Variants in CARMIL1 observed in about 807,000 individuals in gnomAD.
CARMIL1 encodes the protein F-actin-uncapping protein LRRC16A.
CARMIL1 carries 90 observed loss-of-function variants against 177.1 expected under a neutral mutation model. The observed-to-expected ratio is 0.51, with a 90% CI of 0.43 to 0.61. CARMIL1 has a LOEUF of 0.61. CARMIL1 is among the 20% of genes least tolerant of loss of function. CARMIL1 has a pLI of 0.00. For missense variants in CARMIL1, 1,380 were observed against 1,667.0 expected (o/e 0.83, Z 3.00); for synonymous variants, 577 against 606.2 (o/e 0.95, Z 0.71).
At chr6:25,429,938 C>A (rs572063499) in intron 4 of CARMIL1, among the ~76,000 whole-genome samples, 229 of 151,892 alleles carry the variant, frequency 1.5e-3, no homozygotes, top group African/African-American at 5.2e-3. Context: ...CTCTGCCTCC[C>A]GGGTTCAAAT....
rs190235480 is a variant in CARMIL1 at position 25,301,843 on chromosome 6, A to G, written c.138+16934A>G. ...TGACTTTCCCAAAATAAAGCTGCAT[A>G]GGGCGTACTTCAGAAAACTTCAGGC... On this transcript the variant is annotated intron_variant, in intron 2 of 36. Coordinates refer to ENST00000329474, the MANE Select transcript of CARMIL1 (RefSeq NM_017640.6). Among the ~76,000 whole-genome samples the G allele has an allele frequency of 6.4e-3, 973 of 152,376 alleles. 5 individuals carry two copies. Among genetic ancestry groups the G allele is most frequent in the Non-Finnish European group, 9.2e-3 (629 of 68,040 alleles).
chr6:25,551,158 T>C, intron 27 of CARMIL1, 73 bp downstream of exon 27: 6 of 1,213,700 alleles, frequency 4.9e-6, no homozygotes, highest in Non-Finnish European at 7.1e-6. Flanking sequence ...GTAAAGAGGG[T>C]TATTGTTGGC....
intron 15 of CARMIL1, among the ~76,000 whole-genome samples, chr6:25,494,638 C>G (rs2151005050): frequency 6.6e-6 from 1 of 152,284 alleles, no homozygotes; most frequent in East Asian, 1.9e-4. Context: ...AGGCTTCGTG[C>G]CATTTGGACT....
intron 29 of CARMIL1, among the ~76,000 whole-genome samples, chr6:25,578,409 T>G (rs1426304789): frequency 6.6e-6 from 1 of 152,134 alleles, no homozygotes; most frequent in African/African-American, 2.4e-5. Context: ...TAGACAAACA[T>G]TAAATATTTG....
chr6:25,431,935 G>A (rs1351046090), intron 4 of CARMIL1, among the ~76,000 whole-genome samples: 1 of 152,192 alleles, frequency 6.6e-6, no homozygotes, highest in Non-Finnish European at 1.5e-5. Flanking sequence ...AAATGGCCTA[G>A]CAATTCAGAG....
Position 25,554,452 on chromosome 6 carries a change from T to C in CARMIL1, c.2592+356T>C, listed in dbSNP as rs1270909445. Among the ~76,000 whole-genome samples, 1 of 152,214 alleles carries C rather than the reference T, an allele frequency of 6.6e-6. No individual in the cohort carries two copies. Among genetic ancestry groups the C allele is most frequent in the Non-Finnish European group, 1.5e-5 (1 of 68,040 alleles). Reference sequence around the variant, plus strand: ...TGTTGTTGATATGATTATTTGATAATGGACTATTCTAAAAACATGGGAGAA... The same window carrying C: ...TGTTGTTGATATGATTATTTGATAACGGACTATTCTAAAAACATGGGAGAA... On this transcript the variant is annotated intron_variant, in intron 28 of 36. Transcript: ENST00000329474. The surrounding 1 kb of genome is among the most constrained non-coding windows in gnomAD (Gnocchi z 4.6).
intron 2 of CARMIL1, among the ~76,000 whole-genome samples, chr6:25,334,178 G>A (rs2223440): frequency 0.75 from 113,684 of 152,070 alleles, 42,969 homozygotes; most frequent in Middle Eastern, 0.82. Flanking sequence ...GAGCTGCAAG[G>A]TTTCCTGAGG....
At chr6:25,370,333 A>G (rs1239886235) in intron 2 of CARMIL1, among the ~76,000 whole-genome samples, 1 of 152,154 alleles carries the variant, frequency 6.6e-6, no homozygotes, top group African/African-American at 2.4e-5. Context: ...AGGCGGGGGA[A>G]GGTGCTCCTT....
chr6:25,419,975 C>T (rs577156119), intron 2 of CARMIL1, 139 bp from the exon 3 acceptor site: 23 of 687,892 alleles, frequency 3.3e-5, no homozygotes, highest in South Asian at 1.8e-4. Flanking sequence ...TGTCCCAGCT[C>T]GTAATTCTTC....
chr6:25,409,542 G>A (rs1210405531), intron 2 of CARMIL1, among the ~76,000 whole-genome samples: 1 of 152,158 alleles, frequency 6.6e-6, no homozygotes, highest in Admixed American at 6.5e-5. Flanking sequence ...CGCCTGAAGT[G>A]TGTCTGACTC....
chr6:25,317,930 A>G (rs1055217800), intron 2 of CARMIL1, among the ~76,000 whole-genome samples: 1 of 152,018 alleles, frequency 6.6e-6, no homozygotes, highest in African/African-American at 2.4e-5. Context: ...TAGAATCTGC[A>G]TTTTATTTTA....
chr6:25,342,035 G>A (rs1393079484), intron 2 of CARMIL1, among the ~76,000 whole-genome samples: 1 of 152,174 alleles, frequency 6.6e-6, no homozygotes, highest in Non-Finnish European at 1.5e-5. Flanking sequence ...AACTTACTAT[G>A]GCTAGTTGTT....
intron 8 of CARMIL1, among the ~76,000 whole-genome samples, chr6:25,464,103 T>TG (rs1363291280): frequency 1.3e-5 from 2 of 152,090 alleles, no homozygotes. Flanking sequence ...ATTACAGGCG[T>TG]GAGCCACTGC....
chr6:25,286,432 T>C (rs1296942497), intron 2 of CARMIL1, among the ~76,000 whole-genome samples: 1 of 152,274 alleles, frequency 6.6e-6, no homozygotes, highest in African/African-American at 2.4e-5. Flanking sequence ...AATGTGCTTA[T>C]GTAAACTGCA....
intron 2 of CARMIL1, among the ~76,000 whole-genome samples, chr6:25,347,099 C>T (rs549271264): frequency 5.3e-5 from 8 of 152,234 alleles, no homozygotes; most frequent in Admixed American, 2.6e-4. Flanking sequence ...ATGTTTAGAC[C>T]GTACATTATT....
chr6:25,379,550 T>G (rs990704243), intron 2 of CARMIL1, among the ~76,000 whole-genome samples: 1 of 152,102 alleles, frequency 6.6e-6, no homozygotes, highest in Non-Finnish European at 1.5e-5. Flanking sequence ...CCAGAGAGCT[T>G]TTTGCATTGA....
At chr6:25,298,946 G>C (rs549938718) in intron 2 of CARMIL1, among the ~76,000 whole-genome samples, 94 of 152,018 alleles carry the variant, frequency 6.2e-4, no homozygotes, top group African/African-American at 2.0e-3. Flanking sequence ...TGGAGACAGG[G>C]TTTCTCCATG....
intron 8 of CARMIL1, among the ~76,000 whole-genome samples, chr6:25,464,725 G>T (rs1800441731): frequency 6.6e-6 from 1 of 152,166 alleles, no homozygotes; most frequent in African/African-American, 2.4e-5. Flanking sequence ...ATATAAGATA[G>T]AATAAATAAA....
intron 24 of CARMIL1, among the ~76,000 whole-genome samples, chr6:25,531,223 A>T (rs1198389298): frequency 6.6e-6 from 1 of 152,244 alleles, no homozygotes; most frequent in Non-Finnish European, 1.5e-5. Context: ...CTGCAAATTG[A>T]AAAGAATTGA....
Sources: gnomAD v4.1 joint callset for allele counts (sites outside exome capture counted in the v4.1 genomes callset) on GRCh38, gnomAD v4.1.1 for gene constraint, Gnocchi (gnomAD v3.1) non-coding constraint, MANE v1.5 for transcripts, NCBI Gene and HGNC (gene_info 2026-07-23, HGNC 2026-07-21) for gene names.